The following ADAMTSL1 variants were observed in gnomAD, a reference collection of about 807,000 sequenced individuals.
ADAMTSL1 encodes ADAMTS like 1.
A neutral mutation model predicts 201.8 loss-of-function variants in ADAMTSL1; 126 were observed. The ratio of observed to expected loss-of-function variants is 0.62; its 90% confidence interval spans 0.54 to 0.72. The LOEUF (loss-of-function observed/expected upper bound fraction) is 0.72, where lower values mean the gene tolerates loss of function less well. ADAMTSL1 is among the 30% of genes least tolerant of loss of function. The probability of loss-of-function intolerance (pLI) is 0.00; values close to 1 mark genes in which losing one functional copy is unlikely to be tolerated. For missense variants in ADAMTSL1, 2,679 were observed against 2,277.8 expected (o/e 1.18, Z -3.59); for synonymous variants, 1,121 against 903.4 (o/e 1.24, Z -4.32).
At chr9:18,883,746 A>C (rs1366831145) in intron 23 of ADAMTSL1, among the ~76,000 whole-genome samples, 3 of 152,224 alleles carry the variant, frequency 2.0e-5, no homozygotes, top group Admixed American at 2.0e-4. Context: ...CATATGTCAG[A>C]ATGTCATTCC....
chr9:18,806,008 G>T (rs528531664), intron 20 of ADAMTSL1, among the ~76,000 whole-genome samples: 2 of 152,286 alleles, frequency 1.3e-5, no homozygotes, highest in Non-Finnish European at 2.9e-5. Flanking sequence ...GCCAAACAGA[G>T]AATCTAAGTC....
At chr9:18,745,969 C>T (rs1588033459) in intron 15 of ADAMTSL1, among the ~76,000 whole-genome samples, 1 of 152,190 alleles carries the variant, frequency 6.6e-6, no homozygotes, top group Non-Finnish European at 1.5e-5. Flanking sequence ...AGTTCAGTCC[C>T]TACAAAGTGG....
intron 15 of ADAMTSL1, among the ~76,000 whole-genome samples, chr9:18,749,046 C>G (rs1241666294): frequency 1.3e-5 from 2 of 152,180 alleles, no homozygotes; most frequent in African/African-American, 4.8e-5. Flanking sequence ...GTGTGTCTCC[C>G]TCTTTTCTTA....
At chr9:18,124,364 C>T (rs939981043) in intron 1 of ADAMTSL1, among the ~76,000 whole-genome samples, 5 of 151,920 alleles carry the variant, frequency 3.3e-5, no homozygotes, top group Admixed American at 1.3e-4. Context: ...TACAGGTGTG[C>T]GCCACCACAC....
At chr9:18,699,531 T>C (rs1831799707) in intron 13 of ADAMTSL1, among the ~76,000 whole-genome samples, 1 of 152,124 alleles carries the variant, frequency 6.6e-6, no homozygotes, top group South Asian at 2.1e-4. Flanking sequence ...GGTCTTGCTA[T>C]ATTGCCCAGG....
intron 2 of ADAMTSL1, among the ~76,000 whole-genome samples, chr9:18,400,564 C>T (rs1817947919): frequency 6.6e-6 from 1 of 152,090 alleles, no homozygotes; most frequent in South Asian, 2.1e-4. Flanking sequence ...TTGTACTTTT[C>T]ATAAAAATGT....
At chr9:18,303,235 A>G (rs1254231549) in intron 2 of ADAMTSL1, among the ~76,000 whole-genome samples, 3 of 152,224 alleles carry the variant, frequency 2.0e-5, no homozygotes, top group African/African-American at 7.2e-5. Flanking sequence ...CCAAAGATAC[A>G]TAACTGTAAT....
chr9:18,731,809 A>G (rs1454146392), intron 15 of ADAMTSL1, among the ~76,000 whole-genome samples: 1 of 152,088 alleles, frequency 6.6e-6, no homozygotes, highest in African/African-American at 2.4e-5. Context: ...GAGGTGCTAC[A>G]TACTTTTAAA....
At chr9:18,629,490 A>C (rs189365579) in intron 5 of ADAMTSL1, among the ~76,000 whole-genome samples, 1 of 152,284 alleles carries the variant, frequency 6.6e-6, no homozygotes, top group Admixed American at 6.5e-5. Flanking sequence ...CTTTTACCTC[A>C]ACTGACAAAG....
At chr9:18,872,744 G>A (rs761968019) in intron 23 of ADAMTSL1, among the ~76,000 whole-genome samples, 1 of 152,120 alleles carries the variant, frequency 6.6e-6, no homozygotes, top group African/African-American at 2.4e-5. Flanking sequence ...ATTGATTGAT[G>A]GGCATTTGGG....
chr9:18,127,938 G>T (rs1249114411), intron 1 of ADAMTSL1, among the ~76,000 whole-genome samples: 2 of 152,140 alleles, frequency 1.3e-5, no homozygotes, highest in African/African-American at 4.8e-5. Context: ...ATAGGACCTT[G>T]ACCTTTTCTT....
At chr9:18,012,596 C>G (rs1286634709) in intron 1 of ADAMTSL1, among the ~76,000 whole-genome samples, 1 of 152,004 alleles carries the variant, frequency 6.6e-6, no homozygotes, top group African/African-American at 2.4e-5. Context: ...AGAATAGTCA[C>G]AGATTTGTGT....
intron 4 of ADAMTSL1, among the ~76,000 whole-genome samples, chr9:18,583,608 C>A (rs1317808373): frequency 6.6e-6 from 1 of 152,158 alleles, no homozygotes; most frequent in African/African-American, 2.4e-5. Context: ...AATGGTAGAT[C>A]CACTGACAGC....
At chr9:18,491,221 A>C (rs1363471028) in intron 1 of ADAMTSL1, among the ~76,000 whole-genome samples, 1 of 152,228 alleles carries the variant, frequency 6.6e-6, no homozygotes, top group Non-Finnish European at 1.5e-5. Context: ...GCTTTAAAAA[A>C]GATGCCTGTG....
chr9:18,785,470 A>G (rs749176568), intron 19 of ADAMTSL1, among the ~76,000 whole-genome samples: 3 of 152,258 alleles, frequency 2.0e-5, no homozygotes, highest in Non-Finnish European at 4.4e-5. Context: ...TTAGGCACTC[A>G]ATAAACATTA....
At chr9:18,470,049 C>G (rs1236428003), upstream of ADAMTSL1, among the ~76,000 whole-genome samples, 1 of 152,184 alleles carries the variant, frequency 6.6e-6, no homozygotes, top group Non-Finnish European at 1.5e-5. Context: ...ATGGGAGACT[C>G]TCAGTGTATG....
intron 14 of ADAMTSL1, among the ~76,000 whole-genome samples, chr9:18,714,791 A>G (rs1832818398): frequency 6.6e-6 from 1 of 151,934 alleles, no homozygotes; most frequent in African/African-American, 2.4e-5. Context: ...CAGAGACACA[A>G]CCAAAAGAGA....
At chr9:18,389,878 C>A (rs1377720938) in intron 2 of ADAMTSL1, among the ~76,000 whole-genome samples, 4 of 151,996 alleles carry the variant, frequency 2.6e-5, no homozygotes, top group Non-Finnish European at 4.4e-5. Flanking sequence ...CACAGAGAAG[C>A]ACAATTTGTG....
chr9:18,563,908 C>T (rs1486117686), intron 3 of ADAMTSL1, among the ~76,000 whole-genome samples: 1 of 152,204 alleles, frequency 6.6e-6, no homozygotes, highest in Non-Finnish European at 1.5e-5. Context: ...GCTGTGCTGG[C>T]AGTGAGAATT....
Sources: allele counts gnomAD v4.1 joint callset (sites outside exome capture counted in the v4.1 genomes callset), GRCh38; gene constraint gnomAD v4.1.1; transcripts MANE v1.5; gene names NCBI Gene and HGNC (gene_info 2026-07-23, HGNC 2026-07-21).